CPPED1: variants seen among roughly 807,000 people sequenced by gnomAD.
CPPED1 encodes the protein serine/threonine-protein phosphatase CPPED1.
Under a neutral mutation model 28.0 loss-of-function variants are expected in CPPED1, and 28 were observed. That is an observed-to-expected ratio of 1.00 (90% CI 0.74 to 1.37). The LOEUF is 1.37. Among genes scored for constraint, CPPED1 ranks in the 40% most tolerant of loss-of-function variants. The probability of loss-of-function intolerance (pLI) is 0.00; values close to 1 mark genes in which losing one functional copy is unlikely to be tolerated. For missense variants in CPPED1, 504 were observed against 416.5 expected, an observed-to-expected ratio of 1.21 and a Z score of -1.83; for synonymous variants, 198 against 180.2, an observed-to-expected ratio of 1.10 and a Z score of -0.79.
At chr16:12,728,135 T>C (rs914130192) in intron 2 of CPPED1, among the ~76,000 whole-genome samples, 1 of 152,172 alleles carries the variant, frequency 6.6e-6, no homozygotes, top group African/African-American at 2.4e-5. Flanking sequence ...TTTGTGTCTT[T>C]TTCCGCTTTT....
intron 2 of CPPED1, among the ~76,000 whole-genome samples, chr16:12,775,310 C>T (rs114450202): frequency 1.5e-3 from 228 of 152,274 alleles, no homozygotes; most frequent in African/African-American, 5.0e-3. Context: ...TTCTTATAAA[C>T]GACCCAGTTC....
At chr16:12,714,672 T>G (rs978337871) in intron 2 of CPPED1, among the ~76,000 whole-genome samples, 1 of 152,242 alleles carries the variant, frequency 6.6e-6, no homozygotes, top group Non-Finnish European at 1.5e-5. Context: ...TTGTAAGAGT[T>G]CTTTACATAT....
chr16:12,705,329 T>G (rs1385671234), intron 2 of CPPED1, among the ~76,000 whole-genome samples: 1 of 152,074 alleles, frequency 6.6e-6, no homozygotes, highest in Admixed American at 6.5e-5. Context: ...ATCCTGAGAT[T>G]AAATATTAGT....
chr16:12,748,573 C>T (rs2080306224), intron 2 of CPPED1, among the ~76,000 whole-genome samples: 1 of 152,148 alleles, frequency 6.6e-6, no homozygotes, highest in African/African-American at 2.4e-5. Context: ...TATATTTACA[C>T]TCCGCTGTAG....
intron 2 of CPPED1, among the ~76,000 whole-genome samples, chr16:12,755,528 CCACCT>C (rs2080360612): frequency 6.6e-6 from 1 of 152,044 alleles, no homozygotes; most frequent in South Asian, 2.1e-4. Context: ...AGCAATCCTC[CCACCT>C]CAGCCTCTCA....
chr16:12,716,491 C>T (rs747840845), intron 2 of CPPED1, among the ~76,000 whole-genome samples: 4 of 152,326 alleles, frequency 2.6e-5, no homozygotes, highest in Middle Eastern at 3.4e-3. Flanking sequence ...GTCAGATCCA[C>T]GAACAAGTCT....
At chr16:12,788,863 C>T (rs189327865) in intron 1 of CPPED1, among the ~76,000 whole-genome samples, 5 of 152,264 alleles carry the variant, frequency 3.3e-5, no homozygotes, top group East Asian at 1.9e-4. Context: ...TTTCCCTGGT[C>T]GGCCGTGATG....
chr16:12,803,726 G>T lies in CPPED1; in HGVS notation c.51C>A (p.Thr17=), dbSNP rs779449048. The T allele has an allele frequency of 3.0e-5, 47 of 1,584,858 alleles. No individual in the cohort carries two copies. The highest frequency in any genetic ancestry group is 3.8e-5 in the Non-Finnish European group (44 of 1,167,600). Reference sequence around the variant, plus strand: ...CAGTACCTGCGGGAAACGCGGCCAGGGTCCTGCCCCTGGCTCTGTGGAAAA... The same window carrying T: ...CAGTACCTGCGGGAAACGCGGCCAGTGTCCTGCCCCTGGCTCTGTGGAAAA... ...GGVFHRARGR[T]LAAFPAEKES... is the part of the protein sequence containing the mutation. The change falls in exon 1 of 4, where the codon ACC becomes ACA. Residue 17 remains threonine (T), a synonymous_variant. Transcript: ENST00000381774.
chr16:12,766,112 T>C (rs545750626), intron 2 of CPPED1, among the ~76,000 whole-genome samples: 70 of 152,024 alleles, frequency 4.6e-4, no homozygotes, highest in African/African-American at 1.6e-3. Context: ...TTGTGCAAAC[T>C]TCTGCAGAAG....
At chr16:12,665,222 TACCA>T in intron 3 of CPPED1, 107 bp from the exon 4 acceptor site, 1 of 908,658 alleles carries the variant, frequency 1.1e-6, no homozygotes, top group Non-Finnish European at 1.6e-6. Context: ...TATATTATTA[TACCA>T]TCATGTAGAA....
chr16:12,786,710 A>AAAGATC (rs940242790), intron 1 of CPPED1, among the ~76,000 whole-genome samples: 3 of 152,114 alleles, frequency 2.0e-5, no homozygotes, highest in African/African-American at 7.2e-5. Flanking sequence ...CACGAGGTCA[A>AAAGATC]AAGATCAAGA....
At chr16:12,677,029 TGAG>T (rs2079881158) in intron 3 of CPPED1, among the ~76,000 whole-genome samples, 1 of 151,868 alleles carries the variant, frequency 6.6e-6, no homozygotes, top group Non-Finnish European at 1.5e-5. Context: ...ACACATCAGG[TGAG>T]GGGAATATCA....
chr16:12,767,517 T>C (rs1295227421), intron 2 of CPPED1, among the ~76,000 whole-genome samples: 1 of 152,166 alleles, frequency 6.6e-6, no homozygotes, highest in Non-Finnish European at 1.5e-5. Context: ...ATGAGAGCTG[T>C]GGACCTTCTC....
At chr16:12,678,262 T>C (rs1316230504) in intron 3 of CPPED1, among the ~76,000 whole-genome samples, 1 of 152,264 alleles carries the variant, frequency 6.6e-6, no homozygotes, top group African/African-American at 2.4e-5. Flanking sequence ...TCAACTATTC[T>C]ATAAGTAAGA....
chr16:12,730,153 C>A (rs144831355), intron 2 of CPPED1, among the ~76,000 whole-genome samples: 5 of 152,132 alleles, frequency 3.3e-5, no homozygotes, highest in African/African-American at 1.2e-4. Context: ...TGAGCCACCA[C>A]GGCCAGCTAA....
At chr16:12,766,244 T>TAC in intron 2 of CPPED1, among the ~76,000 whole-genome samples, 1 of 129,228 alleles carries the variant, frequency 7.7e-6, no homozygotes, top group African/African-American at 3.7e-5. Flanking sequence ...AAAATACAAA[T>TAC]ATATATATAT....
intron 1 of CPPED1, among the ~76,000 whole-genome samples, chr16:12,786,368 G>C (rs1295141133): frequency 2.6e-5 from 4 of 152,064 alleles, no homozygotes; most frequent in Non-Finnish European, 1.5e-5. Context: ...ATGGGTTGGA[G>C]GAGAAACAGA....
At chr16:12,666,610 A>G (rs891206459) in intron 3 of CPPED1, among the ~76,000 whole-genome samples, 2 of 152,176 alleles carry the variant, frequency 1.3e-5, no homozygotes, top group African/African-American at 4.8e-5. Context: ...TCAAGTTGCC[A>G]AGGTGATGTC....
chr16:12,784,774 AC>A (rs2080553104), intron 1 of CPPED1, among the ~76,000 whole-genome samples: 1 of 152,224 alleles, frequency 6.6e-6, no homozygotes, highest in South Asian at 2.1e-4. Flanking sequence ...ACCTTCTACA[AC>A]AGAGTTTATG....
Sources: gnomAD v4.1 joint callset for allele counts (sites outside exome capture counted in the v4.1 genomes callset) on GRCh38, gnomAD v4.1.1 for gene constraint, MANE v1.5 for transcripts, NCBI Gene and HGNC (gene_info 2026-07-23, HGNC 2026-07-21) for gene names.